Variants in IGSF21 observed in about 807,000 individuals in gnomAD.
The protein encoded by IGSF21 is immunoglobin superfamily member 21.
Under a neutral mutation model 46.8 loss-of-function variants are expected in IGSF21, and 28 were observed. The observed-to-expected ratio is 0.60, with a 90% confidence interval of 0.44 to 0.82. IGSF21 has a LOEUF of 0.82. IGSF21 is among the 40% of genes least tolerant of loss of function. The pLI, the probability that IGSF21 is intolerant of heterozygous loss-of-function variation, is 0.00. For synonymous variants in IGSF21, 284 were observed against 273.6 expected, an observed-to-expected ratio of 1.04 and a Z score of -0.38; for missense variants, 624 against 665.5, an observed-to-expected ratio of 0.94 and a Z score of 0.69.
intron 3 of IGSF21, among the ~76,000 whole-genome samples, chr1:18,298,350 A>C (rs2085331161): frequency 6.6e-6 from 1 of 152,204 alleles, no homozygotes; most frequent in South Asian, 2.1e-4. Context: ...CAATATACCA[A>C]GGTGCCGTAT....
chr1:18,162,103 A>T (rs1361207219), intron 1 of IGSF21, among the ~76,000 whole-genome samples: 1 of 151,996 alleles, frequency 6.6e-6, no homozygotes, highest in Non-Finnish European at 1.5e-5. Context: ...CAGTGGCATG[A>T]TCACAACTCA....
intron 2 of IGSF21, among the ~76,000 whole-genome samples, chr1:18,241,325 C>G (rs926396493): frequency 6.6e-6 from 1 of 152,150 alleles, no homozygotes; most frequent in Admixed American, 6.5e-5. Flanking sequence ...CCTGCCTGCC[C>G]CTCGAGGCTC....
chr1:18,206,654 G>GT (rs1250288858), intron 1 of IGSF21, among the ~76,000 whole-genome samples: 1 of 152,150 alleles, frequency 6.6e-6, no homozygotes, highest in East Asian at 1.9e-4. Context: ...AGAGTCCAAT[G>GT]TAGCTGGAGC....
rs1032858371 is a variant in IGSF21 at position 18,133,006 on chromosome 1, A to G, written c.70+24808A>G. Among the ~76,000 whole-genome samples the G allele has an allele frequency of 5.3e-5, 8 of 152,108 alleles. No homozygotes were observed. The South Asian group carries it at 1.0e-3, about 20-fold the overall frequency. On this transcript the variant is annotated intron_variant, in intron 1 of 9. Transcript: ENST00000251296. ...ATTTGGCTTTAAATTTTTAACCTAA[A>G]TAGAGTTATATTCATTCTCTCTCCC...
intron 7 of IGSF21, 140 bp from the exon 8 acceptor site, chr1:18,376,660 C>G: frequency 1.3e-6 from 1 of 761,512 alleles, no homozygotes; most frequent in Non-Finnish European, 2.1e-6. Flanking sequence ...ACTCCTCCTC[C>G]TCCTGGAGTT....
At chr1:18,244,236 C>T (rs1003779787) in intron 2 of IGSF21, among the ~76,000 whole-genome samples, 4 of 152,228 alleles carry the variant, frequency 2.6e-5, no homozygotes, top group East Asian at 1.9e-4. Flanking sequence ...GCATTGCCCC[C>T]GGTCGGGAGA....
chr1:18,180,345 A>G (rs2086845012), intron 1 of IGSF21, among the ~76,000 whole-genome samples: 1 of 152,220 alleles, frequency 6.6e-6, no homozygotes, highest in African/African-American at 2.4e-5. Context: ...TGGCACATAC[A>G]TGGCAGTTAC....
At chr1:18,259,977 G>T (rs2084931326) in intron 2 of IGSF21, among the ~76,000 whole-genome samples, 1 of 152,214 alleles carries the variant, frequency 6.6e-6, no homozygotes, top group Admixed American at 6.5e-5. Flanking sequence ...TGTGGCATTT[G>T]TCATGTCCCT....
intron 1 of IGSF21, among the ~76,000 whole-genome samples, chr1:18,152,036 A>C (rs1484297268): frequency 6.6e-6 from 1 of 152,148 alleles, no homozygotes; most frequent in Non-Finnish European, 1.5e-5. Context: ...ACTGCCTAGG[A>C]GTGGACTCCG....
intron 2 of IGSF21, among the ~76,000 whole-genome samples, chr1:18,264,462 G>C (rs538955564): frequency 6.6e-6 from 1 of 152,292 alleles, no homozygotes; most frequent in African/African-American, 2.4e-5. Context: ...CTTCAGACAA[G>C]TCATTGCACA....
At chr1:18,159,623 G>T (rs763343759) in intron 1 of IGSF21, among the ~76,000 whole-genome samples, 1 of 151,774 alleles carries the variant, frequency 6.6e-6, no homozygotes, top group Non-Finnish European at 1.5e-5. Flanking sequence ...CTCCCCAGCC[G>T]TGTGGAACTG....
At chr1:18,135,878 G>A (rs1157999267) in intron 1 of IGSF21, among the ~76,000 whole-genome samples, 1 of 152,148 alleles carries the variant, frequency 6.6e-6, no homozygotes, top group Non-Finnish European at 1.5e-5. Context: ...AGTCCCACCA[G>A]CAGTGTAAAA....
At chr1:18,201,574 C>T (rs1477627994) in intron 1 of IGSF21, among the ~76,000 whole-genome samples, 3 of 152,144 alleles carry the variant, frequency 2.0e-5, no homozygotes, top group African/African-American at 4.8e-5. Context: ...GTCCTGATTC[C>T]TCCTTCACGC....
At chr1:18,344,530 G>T (rs545228299) in intron 4 of IGSF21, among the ~76,000 whole-genome samples, 1 of 152,052 alleles carries the variant, frequency 6.6e-6, no homozygotes, top group South Asian at 2.1e-4. Context: ...ACACCACTCT[G>T]CTTCTCTGGG....
At position 18,227,908 on chromosome 1, in the gene IGSF21, A is replaced by G. The variant is rs965778390; in HGVS notation, c.81A>G (p.Thr27=). 4 of 1,613,662 alleles carry G rather than the reference A, an allele frequency of 2.5e-6. No individual in the cohort carries two copies. In the African/African-American group the frequency reaches 5.3e-5, roughly 22 times the overall value. The change falls in exon 2 of 10, where the codon ACA becomes ACG. Residue 27 remains threonine (T), a synonymous_variant. Transcript: ENST00000251296. The part of the protein sequence containing the change: ...AILDLARGYL[T]VNIEPLPPVV... ...TCCTCTCTTCTGTAGGCTACCTGAC[A>G]GTCAACATTGAGCCTCTCCCCCCTG...
chr1:18,139,550 C>G (rs1265329504), intron 1 of IGSF21, among the ~76,000 whole-genome samples: 1 of 152,160 alleles, frequency 6.6e-6, no homozygotes, highest in African/African-American at 2.4e-5. Context: ...GCAGTGCTGT[C>G]GTCAGGTCAG....
chr1:18,281,565 C>CAA (rs1198619675), intron 2 of IGSF21, among the ~76,000 whole-genome samples: 65 of 101,130 alleles, frequency 6.4e-4, no homozygotes, highest in African/African-American at 2.0e-3. Context: ...GACTCTGTCT[C>CAA]AAAAAAAAAA....
chr1:18,255,979 C>G (rs1410664276), intron 2 of IGSF21, among the ~76,000 whole-genome samples: 1 of 152,208 alleles, frequency 6.6e-6, no homozygotes, highest in East Asian at 1.9e-4. Context: ...CCTGCAGCAG[C>G]TTGCCATTGG....
At chr1:18,125,116 G>C (rs1415349522) in intron 1 of IGSF21, among the ~76,000 whole-genome samples, 1 of 152,152 alleles carries the variant, frequency 6.6e-6, no homozygotes, top group Non-Finnish European at 1.5e-5. Flanking sequence ...AACTGGACAG[G>C]AGGCCCTGTC....
Sources: gnomAD v4.1 joint callset for allele counts (sites outside exome capture counted in the v4.1 genomes callset) on GRCh38, gnomAD v4.1.1 for gene constraint, MANE v1.5 for transcripts, NCBI Gene and HGNC (gene_info 2026-07-23, HGNC 2026-07-21) for gene names.